The following VSTM4 variants were observed in gnomAD, a reference collection of about 807,000 sequenced individuals.
VSTM4 encodes the protein V-set and transmembrane domain containing 4.
VSTM4 carries 20 observed loss-of-function variants against 36.4 expected under a neutral mutation model. The ratio of observed to expected loss-of-function variants is 0.55; its 90% CI spans 0.39 to 0.80. The LOEUF (loss-of-function observed/expected upper bound fraction) is 0.80, where lower values mean the gene tolerates loss of function less well. VSTM4 is among the 30% of genes least tolerant of loss of function. VSTM4 has a pLI of 0.00. For synonymous variants in VSTM4, 182 were observed against 173.9 expected, an observed-to-expected ratio of 1.05 and a Z score of -0.37; for missense variants, 392 against 404.5, an observed-to-expected ratio of 0.97 and a Z score of 0.26.
intron 1 of VSTM4, among the ~76,000 whole-genome samples, chr10:49,110,560 T>C (rs1844874292): frequency 6.6e-6 from 1 of 152,210 alleles, no homozygotes; most frequent in African/African-American, 2.4e-5. Flanking sequence ...AATTCATATG[T>C]TGAAGCGTTA....
chr10:49,083,748 T>C (rs1483893958), intron 3 of VSTM4, among the ~76,000 whole-genome samples: 1 of 152,230 alleles, frequency 6.6e-6, no homozygotes, highest in Non-Finnish European at 1.5e-5. Flanking sequence ...GTTTCAGAAA[T>C]GCTGATTATG....
intron 3 of VSTM4, among the ~76,000 whole-genome samples, chr10:49,079,469 A>G (rs771202962): frequency 6.6e-6 from 1 of 152,262 alleles, no homozygotes; most frequent in African/African-American, 2.4e-5. Flanking sequence ...AGCCAAAAGC[A>G]TTATTCTAAC....
At chr10:49,058,680 T>C (rs1344198826) in intron 5 of VSTM4, among the ~76,000 whole-genome samples, 1 of 152,184 alleles carries the variant, frequency 6.6e-6, no homozygotes, top group Non-Finnish European at 1.5e-5. Flanking sequence ...GAACTTTTCT[T>C]AGCAAGTCAT....
chr10:49,107,883 G>C lies in VSTM4; in HGVS notation c.168C>G (p.Ser56Arg). 1 of 1,614,230 alleles carries C rather than the reference G, an allele frequency of 6.2e-7. No homozygotes were observed. Among genetic ancestry groups the C allele is most frequent in the Non-Finnish European group, 8.5e-7 (1 of 1,180,024 alleles). ...CHVSQKRRKD[S>R]LLAVRWFFAH... is the part of the protein sequence containing the mutation. ...CAAAGAACCAGCGCACGGCCAGCAAGCTGTCCTTCCGCCTTTTCTGGGAGA... is the reference window on the plus strand; with the variant it reads ...CAAAGAACCAGCGCACGGCCAGCAACCTGTCCTTCCGCCTTTTCTGGGAGA... Residue 56 changes from serine (S) to arginine (R), a missense_variant, in exon 2 of 8, where the codon AGC (serine) becomes AGG (arginine). Transcript: ENST00000332853.
Position 49,018,259 on chromosome 10 carries a change from C to T in VSTM4, c.*1391G>A, listed in dbSNP as rs1336302685. 6.6e-6 allele frequency: 1 copy of T among 152,210 alleles called. No homozygotes were observed. Among genetic ancestry groups the T allele is most frequent in the Non-Finnish European group, 1.5e-5 (1 of 68,046 alleles). The allele number at this position is 152,210 out of a possible 1,614,324, so 9.4% of individuals were successfully genotyped here. ...AGACTGGCTTTAGCATGAATGTCAA[C>T]ACAGAGCATTTGTGTAGCAATTTAC... is the stretch of plus-strand genomic sequence containing the variant. On this transcript the variant is annotated 3_prime_UTR_variant, in exon 8 of 8. Transcript: ENST00000332853.
chr10:49,080,709 T>G (rs1247220605), intron 3 of VSTM4, among the ~76,000 whole-genome samples: 2 of 152,118 alleles, frequency 1.3e-5, no homozygotes, highest in Non-Finnish European at 2.9e-5. Context: ...GAAAGCACTG[T>G]AAGAAGGATG....
rs547600736 is a variant in VSTM4, at chr10:49,081,613, T to G, written c.527-4287A>C. The stretch of plus-strand genomic sequence containing the variant: ...GCTTCAAAAGGCCCAAGCTACAGTT[T>G]CAGTTCACAGCTTCCTCAACATGGC... On this transcript the variant is annotated intron_variant, in intron 3 of 7. Coordinates refer to ENST00000332853, the MANE Select transcript of VSTM4 (RefSeq NM_001031746.5). Among the ~76,000 whole-genome samples the G allele has an allele frequency of 2.6e-5, 4 of 152,348 alleles. No individual in the cohort carries two copies. The South Asian group carries it at 8.3e-4, about 32-fold the overall frequency.
intron 2 of VSTM4, among the ~76,000 whole-genome samples, chr10:49,098,990 C>G (rs1400926910): frequency 6.6e-6 from 1 of 152,246 alleles, no homozygotes; most frequent in Non-Finnish European, 1.5e-5. Context: ...GCCGAGCAAA[C>G]CTTCCTCAAT....
At chr10:49,114,767 G>A (rs1844960633) in intron 1 of VSTM4, among the ~76,000 whole-genome samples, 2 of 152,108 alleles carry the variant, frequency 1.3e-5, no homozygotes. Flanking sequence ...ACAGAGTTCT[G>A]GGGAATAAAG....
chr10:49,086,778 T>C (rs1306632033), intron 2 of VSTM4, among the ~76,000 whole-genome samples: 2 of 152,218 alleles, frequency 1.3e-5, no homozygotes, highest in African/African-American at 4.8e-5. Flanking sequence ...CACTGTCCAA[T>C]ACAGCAGCCA....
chr10:49,044,996 C>G (rs1463959315), intron 7 of VSTM4, among the ~76,000 whole-genome samples: 1 of 152,184 alleles, frequency 6.6e-6, no homozygotes, highest in African/African-American at 2.4e-5. Context: ...TGTCATAAAT[C>G]AAATGACAAT....
At position 49,015,152 on chromosome 10, in the gene VSTM4, C is replaced by T. The variant is rs1252873916; in HGVS notation, c.*4498G>A. 4 of 144,168 alleles carry T rather than the reference C, an allele frequency of 2.8e-5. No individual in the cohort carries two copies. Among genetic ancestry groups the T allele is most frequent in the African/African-American group, 7.9e-5 (3 of 38,116 alleles). 8.9% of individuals were successfully genotyped at this position (144,168 alleles called of 1,614,324 possible). ...TTTTTTTTTTTTTGAGACGGAATCTCACTCTATTGCCCAGGCTGGAGTGCA... is the reference window on the plus strand; with the variant it reads ...TTTTTTTTTTTTTGAGACGGAATCTTACTCTATTGCCCAGGCTGGAGTGCA... On this transcript the variant is annotated 3_prime_UTR_variant, in exon 8 of 8. Coordinates refer to ENST00000332853, the MANE Select transcript of VSTM4 (RefSeq NM_001031746.5).
chr10:49,068,812 G>A (rs1018254967), intron 4 of VSTM4, among the ~76,000 whole-genome samples: 25 of 152,172 alleles, frequency 1.6e-4, no homozygotes, highest in Admixed American at 5.2e-4. Context: ...CCAATAAAGG[G>A]TGCGTAATGG....
In VSTM4 at chr10:49,017,104, A is replaced by G. The variant is rs1400885396; in HGVS notation, c.*2546T>C. The G allele has an allele frequency of 6.6e-6, 1 of 152,242 alleles. No individual in the cohort carries two copies. Among genetic ancestry groups the G allele is most frequent in the Non-Finnish European group, 1.5e-5 (1 of 68,038 alleles). The allele number at this position is 152,242 out of a possible 1,614,324, so 9.4% of individuals were successfully genotyped here. A position where few individuals can be genotyped will look rare whatever the true frequency, so the allele number is the denominator to read the frequency against. On this transcript the variant is annotated 3_prime_UTR_variant, in exon 8 of 8. Transcript: ENST00000332853. ...AATTGACAAACTTTCCCTAATTTCT[A>G]TTTCAATGATATGTGATATGTTTCC...
chr10:49,051,248 T>C (rs1243307396), intron 5 of VSTM4, among the ~76,000 whole-genome samples: 1 of 152,180 alleles, frequency 6.6e-6, no homozygotes, highest in Non-Finnish European at 1.5e-5. Context: ...AGCGATCTTT[T>C]AACGTCTCCA....
At chr10:49,041,977 AG>A (rs1843528870) in intron 7 of VSTM4, among the ~76,000 whole-genome samples, 1 of 152,214 alleles carries the variant, frequency 6.6e-6, no homozygotes, top group African/African-American at 2.4e-5. Flanking sequence ...AGAGAACATA[AG>A]GTGGGGAAAT....
At chr10:49,043,557 G>A (rs1325960113) in intron 7 of VSTM4, among the ~76,000 whole-genome samples, 2 of 152,064 alleles carry the variant, frequency 1.3e-5, no homozygotes, top group African/African-American at 4.8e-5. Flanking sequence ...TCCATTCACA[G>A]ACAAATTGCT....
rs1844809175 is a variant in VSTM4 at position 49,107,681 on chromosome 10, G to A, written c.370C>T (p.His124Tyr). ...VLTLQPSDQG[H>Y]YVCRVQEISR... is the part of the protein sequence containing the mutation. ...ATTTCCTGGACTCTGCAGACGTAAT[G>A]CCCTTGATCGGAGGGCTGCAGTGTC... The change falls in exon 2 of 8, where the codon CAT becomes TAT. Residue 124 changes from histidine (H) to tyrosine (Y), a missense_variant. Coordinates refer to ENST00000332853, the MANE Select transcript of VSTM4 (RefSeq NM_001031746.5). 1.9e-6 allele frequency: 3 copies of A among 1,614,082 alleles called. No individual in the cohort carries two copies. The highest frequency in any genetic ancestry group is 1.3e-5 in the African/African-American group (1 of 74,930).
chr10:49,099,779 T>A (rs1197542705), intron 2 of VSTM4, among the ~76,000 whole-genome samples: 2 of 152,266 alleles, frequency 1.3e-5, no homozygotes, highest in South Asian at 4.1e-4. Flanking sequence ...AAGCCAGGCA[T>A]GGCTCCACTG....
Sources: gnomAD v4.1 joint callset for allele counts (sites outside exome capture counted in the v4.1 genomes callset) on GRCh38, gnomAD v4.1.1 for gene constraint, MANE v1.5 for transcripts, NCBI Gene and HGNC (gene_info 2026-07-23, HGNC 2026-07-21) for gene names.